Variants in SAMD4A observed in about 807,000 individuals in gnomAD.
The protein encoded by SAMD4A is protein Smaug homolog 1.
A neutral mutation model predicts 81.3 loss-of-function variants in SAMD4A; 33 were observed. The observed-to-expected ratio is 0.41, with a 90% confidence interval of 0.31 to 0.54. The LOEUF (loss-of-function observed/expected upper bound fraction) is 0.54. Ranked by LOEUF, SAMD4A falls within the 20% of genes least tolerant of loss-of-function variation. SAMD4A has a pLI of 0.37. For missense variants in SAMD4A, 854 were observed against 951.1 expected (o/e 0.90, Z 1.34); for synonymous variants, 389 against 382.1 (o/e 1.02, Z -0.21).
chr14:54,784,477 A>T, intron 11 of SAMD4A, 60 bp from the exon 12 acceptor site: 1 of 1,612,116 alleles, frequency 6.2e-7, no homozygotes, highest in Non-Finnish European at 8.5e-7. Flanking sequence ...TGAAGGTGGA[A>T]CCAGGTGGCA....
At chr14:54,653,301 A>ATAATAT (rs1555339917) in intron 2 of SAMD4A, among the ~76,000 whole-genome samples, 1 of 130,398 alleles carries the variant, frequency 7.7e-6, no homozygotes, top group Non-Finnish European at 1.6e-5. Context: ...CTTCCTCTTA[A>ATAATAT]TATTATTATT....
intron 3 of SAMD4A, among the ~76,000 whole-genome samples, chr14:54,705,834 T>C (rs1355307314): frequency 1.3e-5 from 2 of 152,224 alleles, no homozygotes; most frequent in South Asian, 2.1e-4. Context: ...ATATGATATA[T>C]GAATCAGTAT....
rs1009698909 is a variant in SAMD4A, at chr14:54,757,421, GTGTGTGTTT to G, written c.1177-2736_1177-2728del. ...TGTGTGTGTGTGTGTGTGTGTGTGT[GTGTGTGTTT>G]TGTTTTGTTTTGTTTGGTGTGGTTG... On this transcript the variant is annotated intron_variant, in intron 6 of 12. Coordinates refer to ENST00000554335, the MANE Select transcript of SAMD4A (RefSeq NM_015589.6). Among the ~76,000 whole-genome samples, 44 of 143,974 alleles carry G rather than the reference GTGTGTGTTT, an allele frequency of 3.1e-4. 1 individual carries two copies. The South Asian group carries it at 9.8e-3, about 32-fold the overall frequency. The allele number at this position is 143,974 out of a possible 152,430, so 94.5% of individuals were successfully genotyped here.
intron 8 of SAMD4A, among the ~76,000 whole-genome samples, chr14:54,765,735 C>T (rs960904651): frequency 2.6e-5 from 4 of 152,336 alleles, no homozygotes; most frequent in East Asian, 1.9e-4. Context: ...CCCAGCACAG[C>T]GGCCAGGCCC....
chr14:54,666,274 C>T (rs1243958668), intron 2 of SAMD4A, among the ~76,000 whole-genome samples: 2 of 152,192 alleles, frequency 1.3e-5, no homozygotes, highest in East Asian at 3.9e-4. Flanking sequence ...AAAACAATGC[C>T]TGTGTGGGCG....
intron 3 of SAMD4A, among the ~76,000 whole-genome samples, chr14:54,714,151 C>T (rs925277443): frequency 2.0e-4 from 30 of 152,248 alleles, no homozygotes; most frequent in Non-Finnish European, 4.1e-4. Flanking sequence ...GAAGAGGGTA[C>T]CTGACAGGTT....
intron 2 of SAMD4A, 89 bp from the exon 3 acceptor site, chr14:54,701,973 C>A (rs1454879578): frequency 7.2e-7 from 1 of 1,391,066 alleles, no homozygotes; most frequent in African/African-American, 1.4e-5. Flanking sequence ...TAGATTGGGA[C>A]CCTAATCCAT....
chr14:54,592,212 C>T (rs187205657), intron 2 of SAMD4A, among the ~76,000 whole-genome samples: 2 of 152,294 alleles, frequency 1.3e-5, no homozygotes, highest in African/African-American at 4.8e-5. Context: ...CACTTATCTA[C>T]ATTCTGGTAG....
chr14:54,784,131 C>G (rs567187338), intron 11 of SAMD4A: 12 of 546,706 alleles, frequency 2.2e-5, no homozygotes, highest in East Asian at 1.2e-4. Context: ...GTGCAAAGGC[C>G]GTGAGGTAGG....
At chr14:54,635,721 G>A (rs750173073) in intron 2 of SAMD4A, among the ~76,000 whole-genome samples, 93 of 149,696 alleles carry the variant, frequency 6.2e-4, no homozygotes, top group Non-Finnish European at 1.2e-3. Flanking sequence ...GCACTCCAGC[G>A]ACAGAGCAAG....
intron 3 of SAMD4A, among the ~76,000 whole-genome samples, chr14:54,724,007 T>TGGAAGGAAGGAAGGAAGAA (rs71131227): frequency 0.029 from 3,581 of 124,240 alleles, 97 homozygotes; most frequent in Middle Eastern, 0.062. Flanking sequence ...GATGGATGGA[T>TGGAAGGAAGGAAGGAAGAA]GGAAGGAAGG....
At chr14:54,716,331 C>G (rs1566600733) in intron 3 of SAMD4A, among the ~76,000 whole-genome samples, 1 of 152,186 alleles carries the variant, frequency 6.6e-6, no homozygotes, top group Non-Finnish European at 1.5e-5. Context: ...GCACCCAACA[C>G]TGTCCTACAG....
At chr14:54,687,841 T>C (rs1261170469) in intron 2 of SAMD4A, 8 of 327,408 alleles carry the variant, frequency 2.4e-5, no homozygotes, top group Non-Finnish European at 3.5e-5. Flanking sequence ...GTAAGATAAG[T>C]GGAGGGAGCG....
chr14:54,787,603 A>T (rs1163890366), intron 12 of SAMD4A, among the ~76,000 whole-genome samples: 1 of 152,232 alleles, frequency 6.6e-6, no homozygotes, highest in South Asian at 2.1e-4. Flanking sequence ...TTGGACTGGG[A>T]CATCAGCAAA....
chr14:54,600,029 T>C (rs551883510), intron 2 of SAMD4A, among the ~76,000 whole-genome samples: 32 of 152,232 alleles, frequency 2.1e-4, no homozygotes, highest in Non-Finnish European at 2.8e-4. Context: ...ACTCCAAACC[T>C]TGTACCACAT....
chr14:54,749,034 C>A, intron 5 of SAMD4A, 110 bp downstream of exon 5: 1 of 722,248 alleles, frequency 1.4e-6, no homozygotes, highest in Non-Finnish European at 2.4e-6. Flanking sequence ...CAGTAGCTTG[C>A]CCTGTGCTGG....
chr14:54,641,735 T>C (rs2035177875), intron 2 of SAMD4A, among the ~76,000 whole-genome samples: 1 of 152,214 alleles, frequency 6.6e-6, no homozygotes, highest in South Asian at 2.1e-4. Flanking sequence ...AATTTTTCTG[T>C]GGAGAATCAG....
At chr14:54,583,262 T>C (rs181973928) in intron 2 of SAMD4A, among the ~76,000 whole-genome samples, 1 of 152,266 alleles carries the variant, frequency 6.6e-6, no homozygotes, top group African/African-American at 2.4e-5. Flanking sequence ...CCAGCTAAAT[T>C]TGAACTGCGA....
In SAMD4A at chr14:54,633,059, G is replaced by T. The variant is rs373243752; in HGVS notation, c.196+64947G>T. On this transcript the variant is annotated intron_variant, in intron 2 of 12. Transcript: ENST00000554335. ...AGAAGTAGAATAGCTGGATCAAACA[G>T]CTAGGTATGTGATTTAGGTTCTGAT... Among the ~76,000 whole-genome samples, 6 of 152,320 alleles carry T rather than the reference G, an allele frequency of 3.9e-5. No homozygotes were observed. In the East Asian group the frequency reaches 1.2e-3, roughly 29 times the overall value.
Sources: allele counts gnomAD v4.1 joint callset (sites outside exome capture counted in the v4.1 genomes callset), GRCh38; gene constraint gnomAD v4.1.1; transcripts MANE v1.5; gene names NCBI Gene and HGNC (gene_info 2026-07-23, HGNC 2026-07-21).